Variants in MRTO4 observed in about 807,000 individuals in gnomAD.
MRTO4 encodes mRNA turnover protein 4 homolog.
A neutral mutation model predicts 28.6 loss-of-function variants in MRTO4; 7 were observed. The ratio of observed to expected loss-of-function variants is 0.24; its 90% CI spans 0.14 to 0.46. MRTO4 has a LOEUF of 0.46. MRTO4 is among the 20% of genes least tolerant of loss of function. MRTO4 has a pLI of 0.99. For synonymous variants in MRTO4, 113 were observed against 108.2 expected (o/e 1.04, Z -0.27); for missense variants, 302 against 298.3 (o/e 1.01, Z -0.09).
At chr1:19,252,302 T>G (rs745983587) in intron 1 of MRTO4, 4 of 214,466 alleles carry the variant, frequency 1.9e-5, no homozygotes, top group Non-Finnish European at 3.8e-5. Flanking sequence ...CCTGGCATGC[T>G]TACATCTTCG....
Position 19,253,966 on chromosome 1 carries a change from G to A in MRTO4, c.29-816G>A, listed in dbSNP as rs144185405. On this transcript the variant is annotated intron_variant, in intron 1 of 7. Transcript: ENST00000330263. ...TTCCTCCCCAGAGAGGTGTTGCTGC[G>A]TCTTTGGGTCCAAATTGCAATACTG... is the stretch of plus-strand genomic sequence containing the variant. Among the ~76,000 whole-genome samples the A allele has an allele frequency of 5.3e-5, 8 of 152,236 alleles. No individual in the cohort carries two copies. The East Asian group carries it at 7.7e-4, about 15-fold the overall frequency.
In MRTO4 at chr1:19,258,752, G is replaced by A. The variant is rs763485730; in HGVS notation, c.642G>A (p.Arg214=). Residue 214 remains arginine (R), a synonymous_variant, in exon 8 of 8, where the codon AGG becomes AGA. Transcript: ENST00000330263. The stretch of plus-strand genomic sequence containing the variant: ...ACATGTGGGATTCACAGTCGGGAAG[G>A]TTCCAGCAGATGGGAGACGACTTGC... ...IKYMWDSQSG[R]FQQMGDDLPE... is the part of the protein sequence containing the mutation. The A allele has an allele frequency of 2.5e-6, 4 of 1,614,208 alleles. No homozygotes were observed. The South Asian group carries it at 3.3e-5, about 13-fold the overall frequency.
chr1:19,252,525 C>A (rs1245319545), intron 1 of MRTO4, among the ~76,000 whole-genome samples: 1 of 152,132 alleles, frequency 6.6e-6, no homozygotes, highest in Non-Finnish European at 1.5e-5. Context: ...TGGTGAAACC[C>A]CTTTTCTACT....
At chr1:19,252,776 G>A (rs1227938756) in intron 1 of MRTO4, among the ~76,000 whole-genome samples, 3 of 152,158 alleles carry the variant, frequency 2.0e-5, no homozygotes, top group Admixed American at 6.5e-5. Context: ...TCAACCTCCC[G>A]AGTAGCTGAG....
intron 1 of MRTO4, among the ~76,000 whole-genome samples, chr1:19,253,994 G>A (rs1258633176): frequency 6.6e-6 from 1 of 152,102 alleles, no homozygotes; most frequent in Non-Finnish European, 1.5e-5. Flanking sequence ...CAATACTGGG[G>A]TGCAGATACA....
rs1063986 is a variant in MRTO4 at position 19,260,077 on chromosome 1, T to C, written c.*1247T>C. ...CCGCATCCAGCCCACATTGTTCTATTTGTATTTCATGAAAGCAGTTCTGAA... is the reference window on the plus strand; with the variant it reads ...CCGCATCCAGCCCACATTGTTCTATCTGTATTTCATGAAAGCAGTTCTGAA... On this transcript the variant is annotated 3_prime_UTR_variant, in exon 8 of 8. Coordinates refer to ENST00000330263, the MANE Select transcript of MRTO4 (RefSeq NM_016183.4). 0.14 allele frequency: 20,815 copies of C among 152,276 alleles called. 1,950 individuals are homozygous for C. The highest frequency in any genetic ancestry group is 0.27 in the African/African-American group (11,203 of 41,508). 9.4% of individuals were successfully genotyped at this position (152,276 alleles called of 1,614,324 possible).
At position 19,257,502 on chromosome 1, in the gene MRTO4, A is replaced by C. The variant is rs756251022; in HGVS notation, c.322A>C (p.Thr108Pro). Residue 108 changes from threonine (T) to proline (P), a missense_variant, in exon 5 of 8, where the codon ACA becomes CCA. Physicochemically the swap from Thr to Pro is conservative, Grantham distance 38 (BLOSUM62 -1). Coordinates refer to ENST00000330263, the MANE Select transcript of MRTO4 (RefSeq NM_016183.4). ...GGTGGGTCTCCTGTTCACCAACCGC[A>C]CAAAGGAGGAGGTGAATGAGTAAGT... ...GEVGLLFTNR[T>P]KEEVNEWFTK... The C allele has an allele frequency of 7.4e-6, 12 of 1,614,208 alleles. No homozygotes were observed. The highest frequency in any genetic ancestry group is 1.6e-4 in the Middle Eastern group (1 of 6,062).
chr1:19,254,948 G>GAAAAA, intron 2 of MRTO4, 108 bp downstream of exon 2: 7 of 714,308 alleles, frequency 9.8e-6, no homozygotes, highest in South Asian at 2.4e-5. Flanking sequence ...TACTAGTGGG[G>GAAAAA]AAAAAAAAAA....
At chr1:19,257,715 G>A in intron 5 of MRTO4, 118 bp from the exon 6 acceptor site, 1 of 1,445,654 alleles carries the variant, frequency 6.9e-7, no homozygotes, top group Non-Finnish European at 9.5e-7. Context: ...CTGCTGGCCA[G>A]CAGCCAAGGT....
intron 5 of MRTO4, 35 bp downstream of exon 5, chr1:19,257,556 G>A: frequency 1.2e-6 from 2 of 1,610,560 alleles, no homozygotes; most frequent in Non-Finnish European, 1.7e-6. Context: ...GAAAGAGGCG[G>A]GTGAGAGGGG....
intron 4 of MRTO4, 140 bp downstream of exon 4, chr1:19,257,285 C>G: frequency 8.4e-7 from 1 of 1,191,506 alleles, no homozygotes; most frequent in Non-Finnish European, 1.2e-6. Flanking sequence ...CTGGGTTCTC[C>G]CTTCACCTCC....
chr1:19,255,361 G>A (rs1323110598), intron 2 of MRTO4, among the ~76,000 whole-genome samples: 6 of 151,344 alleles, frequency 4.0e-5, no homozygotes, highest in African/African-American at 9.8e-5. Context: ...CTAGCTGGAC[G>A]TGGTGGTACG....
intron 1 of MRTO4, 25 bp downstream of exon 1, chr1:19,251,888 C>CT (rs1333241457): frequency 6.3e-7 from 1 of 1,586,712 alleles, no homozygotes; most frequent in Non-Finnish European, 8.6e-7. Context: ...AGTCGGGACC[C>CT]TGGGGGGAGC....
At chr1:19,256,540 C>T (rs1301568170) in intron 3 of MRTO4, among the ~76,000 whole-genome samples, 8 of 152,136 alleles carry the variant, frequency 5.3e-5, no homozygotes, top group Non-Finnish European at 1.2e-4. Flanking sequence ...GCACTGAGCT[C>T]CTAGGGGCAG....
At chr1:19,254,868 G>A in intron 2 of MRTO4, 28 bp downstream of exon 2, 1 of 1,581,242 alleles carries the variant, frequency 6.3e-7, no homozygotes, top group South Asian at 1.2e-5. Context: ...TCTAGAGCTT[G>A]CAATTGTTTG....
chr1:19,252,731 G>A (rs1444255593), intron 1 of MRTO4, among the ~76,000 whole-genome samples: 1 of 152,194 alleles, frequency 6.6e-6, no homozygotes, highest in African/African-American at 2.4e-5. Flanking sequence ...AGTCACTGCA[G>A]CCTTGACCTC....
chr1:19,256,112 C>G, intron 3 of MRTO4, 61 bp downstream of exon 3: 16 of 1,471,766 alleles, frequency 1.1e-5, no homozygotes, highest in Non-Finnish European at 1.5e-5. Context: ...TGCTCTCAGT[C>G]AAAGCACAGG....
chr1:19,258,306 G>T (rs2093674655), intron 6 of MRTO4, among the ~76,000 whole-genome samples, 171 bp from the exon 7 acceptor site: 1 of 152,162 alleles, frequency 6.6e-6, no homozygotes, highest in South Asian at 2.1e-4. Flanking sequence ...AGCCCAGGAG[G>T]TCGAGGCTGC....
At chr1:19,251,900 C>A in intron 1 of MRTO4, 37 bp downstream of exon 1, 1 of 1,579,402 alleles carries the variant, frequency 6.3e-7, no homozygotes, top group Non-Finnish European at 8.6e-7. Context: ...GGGGGGAGCT[C>A]CGTGGGCTGG....
Sources: gnomAD v4.1 joint callset for allele counts (sites outside exome capture counted in the v4.1 genomes callset) on GRCh38, gnomAD v4.1.1 for gene constraint, MANE v1.5 for transcripts, NCBI Gene and HGNC (gene_info 2026-07-23, HGNC 2026-07-21) for gene names.